The following TRAK1 variants were observed in gnomAD, a reference collection of about 807,000 sequenced individuals.
The protein encoded by TRAK1 is trafficking kinesin-binding protein 1.
A neutral mutation model predicts 92.1 loss-of-function variants in TRAK1; 33 were observed. The ratio of observed to expected loss-of-function variants is 0.36; its 90% confidence interval spans 0.27 to 0.48. The LOEUF (loss-of-function observed/expected upper bound fraction) is 0.48. Ranked by LOEUF, TRAK1 falls within the 20% of genes least tolerant of loss-of-function variation. TRAK1 has a pLI of 0.99. For missense variants in TRAK1, 1,123 were observed against 1,257.9 expected (o/e 0.89, Z 1.62); for synonymous variants, 521 against 517.3 (o/e 1.01, Z -0.10).
chr3:42,050,503 C>T (rs974210647), intron 1 of TRAK1, among the ~76,000 whole-genome samples: 1 of 152,154 alleles, frequency 6.6e-6, no homozygotes, highest in African/African-American at 2.4e-5. Context: ...TAGAGTTCAT[C>T]GCTTTTCCTT....
rs375315730 is a variant in TRAK1, at chr3:42,110,094, G to GTATATATATATATATA, written c.92-15303_92-15288dup. On this transcript the variant is annotated intron_variant, in intron 1 of 15. Transcript: ENST00000327628. ...GTGCACATGTACCCTAGAACTTAAA[G>GTATATATATATATATA]TATATATATATATATATATATATAT... Among the ~76,000 whole-genome samples, 571 of 83,086 alleles carry GTATATATATATATATA rather than the reference G, an allele frequency of 6.9e-3. 15 individuals are homozygous for GTATATATATATATATA. Among genetic ancestry groups the GTATATATATATATATA allele is most frequent in the Non-Finnish European group, 8.1e-3 (348 of 43,168 alleles). The allele number at this position is 83,086 out of a possible 152,430, so 54.5% of individuals were successfully genotyped here. A position where few individuals can be genotyped will look rare whatever the true frequency, so the allele number is the denominator to read the frequency against.
intron 1 of TRAK1, among the ~76,000 whole-genome samples, chr3:42,049,355 A>G (rs1467635037): frequency 6.6e-6 from 1 of 152,040 alleles, no homozygotes; most frequent in African/African-American, 2.4e-5. Flanking sequence ...AGCTTTTAGA[A>G]ATATCTAAAT....
At position 42,100,139 on chromosome 3, in the gene TRAK1, C is replaced by T. The variant is rs983748043; in HGVS notation, c.91+8579C>T. 3.9e-5 allele frequency among the ~76,000 whole-genome samples: 6 copies of T among 152,266 alleles called. No homozygotes were observed. The East Asian group carries it at 9.6e-4, about 24-fold the overall frequency. On this transcript the variant is annotated intron_variant, in intron 1 of 15. Transcript: ENST00000327628. ...CTTTGGGAGGCCGAGGCAGGAGAATCGCTTCAGCCAAGGAATTTGAAGCCA... is the reference window on the plus strand; with the variant it reads ...CTTTGGGAGGCCGAGGCAGGAGAATTGCTTCAGCCAAGGAATTTGAAGCCA...
At chr3:42,163,527 C>T (rs1701509921) in intron 2 of TRAK1, among the ~76,000 whole-genome samples, 1 of 151,512 alleles carries the variant, frequency 6.6e-6, no homozygotes, top group Admixed American at 6.6e-5. Context: ...AAGATCGCGC[C>T]ACTGCACTCC....
At chr3:42,214,215 C>A (rs926548408) in intron 14 of TRAK1, among the ~76,000 whole-genome samples, 1 of 152,158 alleles carries the variant, frequency 6.6e-6, no homozygotes, top group Non-Finnish European at 1.5e-5. Flanking sequence ...ACCTGACACC[C>A]TTCTAATGTG....
At chr3:42,127,856 C>T (rs1375969462) in intron 2 of TRAK1, among the ~76,000 whole-genome samples, 1 of 152,126 alleles carries the variant, frequency 6.6e-6, no homozygotes, top group Non-Finnish European at 1.5e-5. Flanking sequence ...CTCCATGACA[C>T]TGAGCCACAG....
At chr3:42,196,277 C>T (rs1706608011) in intron 10 of TRAK1, among the ~76,000 whole-genome samples, 1 of 152,234 alleles carries the variant, frequency 6.6e-6, no homozygotes, top group Admixed American at 6.5e-5. Context: ...TCTTTTGCTC[C>T]TAGCCATTCT....
rs1166822181 is a variant in TRAK1 at position 42,224,323 on chromosome 3, A to T, written c.*586A>T. ...CCTTCACTGCTCTGCCTCAGTGGAC[A>T]GTCGTTTCTTTTTTGAGGTGTGACC... On this transcript the variant is annotated 3_prime_UTR_variant, in exon 16 of 16. Coordinates refer to ENST00000327628, the MANE Select transcript of TRAK1 (RefSeq NM_001042646.3). 1 of 287,484 alleles carries T rather than the reference A, an allele frequency of 3.5e-6. No individual in the cohort carries two copies. The highest frequency in any genetic ancestry group is 2.3e-5 in the African/African-American group (1 of 42,926). The allele number at this position is 287,484 out of a possible 1,614,324, so 17.8% of individuals were successfully genotyped here.
chr3:42,033,298 C>A (rs953505502), intron 1 of TRAK1, among the ~76,000 whole-genome samples: 1 of 152,132 alleles, frequency 6.6e-6, no homozygotes, highest in African/African-American at 2.4e-5. Flanking sequence ...TCTATGCTGT[C>A]GTTCTGTGAA....
At chr3:42,088,700 C>T (rs1001990815), upstream of TRAK1, among the ~76,000 whole-genome samples, 1 of 152,210 alleles carries the variant, frequency 6.6e-6, no homozygotes, top group Non-Finnish European at 1.5e-5. Context: ...CCTCTGCCTT[C>T]ACCTTACTTC....
chr3:42,223,029 G>A lies in TRAK1; in HGVS notation c.2154G>A (p.Leu718=). ...CCACACCATGCACTCCACGGAGACTGAGCCTGGCTGAGTCCTTCACTAACA... is the reference window on the plus strand; with the variant it reads ...CCACACCATGCACTCCACGGAGACTAAGCCTGGCTGAGTCCTTCACTAACA... ...PVATPCTPRR[L]SLAESFTNTR... The change falls in exon 16 of 16, where the codon CTG becomes CTA. Residue 718 remains leucine (L), a synonymous_variant. Transcript: ENST00000327628. This position sits in a 1 kb window ranked among gnomAD's most constrained non-coding sequence, Gnocchi z 6.1. The A allele has an allele frequency of 6.2e-7, 1 of 1,614,108 alleles. No homozygotes were observed. Among genetic ancestry groups the A allele is most frequent in the Non-Finnish European group, 8.5e-7 (1 of 1,180,012 alleles).
At chr3:42,149,727 A>G in intron 2 of TRAK1, 2 of 1,215,806 alleles carry the variant, frequency 1.6e-6, no homozygotes, top group South Asian at 1.5e-5. Flanking sequence ...AACTAGCACC[A>G]CTGGCTCTGG....
chr3:42,214,817 G>A (rs1028798313), intron 14 of TRAK1, among the ~76,000 whole-genome samples: 9 of 152,200 alleles, frequency 5.9e-5, no homozygotes, highest in Non-Finnish European at 1.0e-4. Flanking sequence ...AGGGGCAGTC[G>A]AGAGCTCTGT....
chr3:42,031,625 C>A (rs1479086383), intron 1 of TRAK1, among the ~76,000 whole-genome samples: 1 of 36,350 alleles, frequency 2.8e-5, no homozygotes, highest in African/African-American at 4.3e-5. Flanking sequence ...AGAGCGAGAC[C>A]TTGTCTCAAA....
At chr3:42,120,428 C>T (rs923622160) in intron 1 of TRAK1, among the ~76,000 whole-genome samples, 10 of 130,572 alleles carry the variant, frequency 7.7e-5, no homozygotes, top group East Asian at 2.2e-4. Context: ...CATGGTGGGC[C>T]GGCAGTGTCC....
chr3:42,110,111 T>C (rs1432244109), intron 1 of TRAK1, among the ~76,000 whole-genome samples: 2 of 133,118 alleles, frequency 1.5e-5, no homozygotes, highest in South Asian at 2.5e-4. Flanking sequence ...TATATATATA[T>C]ATATATATAT....
intron 2 of TRAK1, chr3:42,149,120 AG>A: frequency 1.1e-6 from 1 of 902,898 alleles, no homozygotes. Context: ...GGCAACGGTT[AG>A]ATTGAAAGAT....
chr3:42,136,337 T>C (rs1697949356), intron 2 of TRAK1, among the ~76,000 whole-genome samples: 1 of 152,166 alleles, frequency 6.6e-6, no homozygotes, highest in Admixed American at 6.5e-5. Context: ...AAGTTAGATT[T>C]TAAAAATAAT....
intron 11 of TRAK1, 88 bp from the exon 12 acceptor site, chr3:42,200,730 T>C: frequency 1.4e-6 from 2 of 1,393,246 alleles, no homozygotes; most frequent in Non-Finnish European, 2.0e-6. Flanking sequence ...CCAGGTGCCC[T>C]TTTGGCTCAG....
Sources: allele counts gnomAD v4.1 joint callset (sites outside exome capture counted in the v4.1 genomes callset), GRCh38; gene constraint gnomAD v4.1.1; non-coding constraint Gnocchi (gnomAD v3.1); transcripts MANE v1.5; gene names NCBI Gene and HGNC (gene_info 2026-07-23, HGNC 2026-07-21).